The following LRRC28 variants were observed in gnomAD, a reference collection of about 807,000 sequenced individuals.
The protein encoded by LRRC28 is leucine-rich repeat-containing protein 28.
LRRC28 carries 39 observed loss-of-function variants against 45.7 expected under a neutral mutation model. The observed-to-expected ratio is 0.85, with a 90% CI of 0.66 to 1.12. The LOEUF (loss-of-function observed/expected upper bound fraction) is 1.12. LRRC28 is among the 50% of genes most tolerant of loss of function. The pLI is 0.00. For missense variants in LRRC28, 435 were observed against 438.5 expected, an observed-to-expected ratio of 0.99 and a Z score of 0.07; for synonymous variants, 206 against 178.8, an observed-to-expected ratio of 1.15 and a Z score of -1.22.
chr15:99,253,936 G>A (rs1013283108), intron 1 of LRRC28, among the ~76,000 whole-genome samples: 3 of 152,238 alleles, frequency 2.0e-5, no homozygotes, highest in Non-Finnish European at 4.4e-5. Context: ...TGCTTCTCCG[G>A]CTTGAGCCAC....
intron 9 of LRRC28, among the ~76,000 whole-genome samples, chr15:99,383,760 G>T (rs1410186569): frequency 6.6e-6 from 1 of 152,126 alleles, no homozygotes; most frequent in African/African-American, 2.4e-5. Context: ...CCCTCCTGGA[G>T]ATTTTCAGGA....
chr15:99,254,750 A>AAGTTTG (rs1331747180), intron 1 of LRRC28, among the ~76,000 whole-genome samples: 1 of 152,208 alleles, frequency 6.6e-6, no homozygotes. Flanking sequence ...ACTGATGGTG[A>AAGTTTG]AGTTTGTTTT....
intron 5 of LRRC28, among the ~76,000 whole-genome samples, chr15:99,293,362 G>A (rs1012951875): frequency 1.3e-5 from 2 of 152,032 alleles, no homozygotes; most frequent in African/African-American, 4.8e-5. Context: ...GGGAGGCCAA[G>A]GTGGGTGGAT....
At chr15:99,350,519 G>A (rs903305948) in intron 6 of LRRC28, among the ~76,000 whole-genome samples, 1 of 152,190 alleles carries the variant, frequency 6.6e-6, no homozygotes, top group South Asian at 2.1e-4. Context: ...TGATCGTATT[G>A]TATTACAGTT....
At chr15:99,300,692 G>A (rs1324063345) in intron 5 of LRRC28, among the ~76,000 whole-genome samples, 3 of 152,128 alleles carry the variant, frequency 2.0e-5, no homozygotes, top group Admixed American at 6.5e-5. Context: ...TGGATGTGAT[G>A]GTGTGCACCT....
intron 5 of LRRC28, among the ~76,000 whole-genome samples, chr15:99,293,082 G>A (rs1241077264): frequency 6.6e-6 from 1 of 151,950 alleles, no homozygotes; most frequent in Non-Finnish European, 1.5e-5. Context: ...TCCTCCATTG[G>A]CTTTTCTCTA....
rs532943184 is a variant in LRRC28, at chr15:99,314,737, T to A, written c.386-19186T>A. 7.2e-5 allele frequency among the ~76,000 whole-genome samples: 11 copies of A among 152,172 alleles called. No homozygotes were observed. The East Asian group carries it at 2.1e-3, about 29-fold the overall frequency. On this transcript the variant is annotated intron_variant, in intron 5 of 9. Coordinates refer to ENST00000301981, the MANE Select transcript of LRRC28 (RefSeq NM_144598.5). Reference sequence around the variant, plus strand: ...CCCTTCACCTAACCTGGGTTTTAAGTTCCTCTATAAGATGTTTGAACATCA... The same window carrying A: ...CCCTTCACCTAACCTGGGTTTTAAGATCCTCTATAAGATGTTTGAACATCA...
intron 6 of LRRC28, among the ~76,000 whole-genome samples, chr15:99,338,648 T>G (rs1393242572): frequency 6.6e-6 from 1 of 152,224 alleles, no homozygotes; most frequent in Non-Finnish European, 1.5e-5. Context: ...CTTAATGAAT[T>G]CAATTTCTTG....
At chr15:99,322,333 T>A (rs1378879718) in intron 5 of LRRC28, among the ~76,000 whole-genome samples, 2 of 151,978 alleles carry the variant, frequency 1.3e-5, no homozygotes, top group South Asian at 4.2e-4. Context: ...GGGGTGAGAA[T>A]AGAAGCAAGA....
rs758571757 is a variant in LRRC28, at chr15:99,287,828, G to T, written c.262G>T (p.Val88Leu). 1.2e-6 allele frequency: 2 copies of T among 1,611,876 alleles called. No homozygotes were observed. The highest frequency in any genetic ancestry group is 1.1e-5 in the South Asian group (1 of 90,750). The change falls in exon 5 of 10, where the codon GTA becomes TTA. Residue 88 changes from valine (V) to leucine (L), a missense_variant. Val to Leu is a conservative substitution (Grantham distance 32). Transcript: ENST00000301981. ...VVVPEAIGSL[V>L]KLQCLDLSDN... ...TCTCTTTGAAGCCATTGGGTCTCTTGTAAAACTCCAATGTCTGGATCTTAG... is the reference window on the plus strand; with the variant it reads ...TCTCTTTGAAGCCATTGGGTCTCTTTTAAAACTCCAATGTCTGGATCTTAG...
At position 99,307,006 on chromosome 15, in the gene LRRC28, G is replaced by A. The variant is rs187182908; in HGVS notation, c.385+19055G>A. 2.5e-4 allele frequency among the ~76,000 whole-genome samples: 38 copies of A among 152,312 alleles called. No individual in the cohort carries two copies. In the Middle Eastern group the frequency reaches 0.01, roughly 41 times the overall value. On this transcript the variant is annotated intron_variant, in intron 5 of 9. Transcript: ENST00000301981. The stretch of plus-strand genomic sequence containing the variant: ...CTGCTTTTCTCCTTCAAGCCATTAC[G>A]TGTTTCTTCAGCGTCTGCCATTCAT...
intron 3 of LRRC28, chr15:99,284,497 T>C (rs1449021485): frequency 4.4e-6 from 2 of 452,956 alleles, no homozygotes; most frequent in Non-Finnish European, 8.8e-6. Flanking sequence ...CCATGTCTTC[T>C]TTGTAGCAGG....
intron 5 of LRRC28, among the ~76,000 whole-genome samples, chr15:99,296,679 C>T (rs971263468): frequency 6.6e-6 from 1 of 152,188 alleles, no homozygotes; most frequent in Non-Finnish European, 1.5e-5. Context: ...GGGGGACTTG[C>T]TGTTTCATCT....
At chr15:99,327,728 T>C (rs529080400) in intron 5 of LRRC28, among the ~76,000 whole-genome samples, 30 of 152,190 alleles carry the variant, frequency 2.0e-4, no homozygotes, top group African/African-American at 5.8e-4. Context: ...TTCATTGATA[T>C]CTACTCTAAT....
At chr15:99,305,185 A>G (rs886537686) in intron 5 of LRRC28, among the ~76,000 whole-genome samples, 2 of 152,246 alleles carry the variant, frequency 1.3e-5, no homozygotes, top group East Asian at 1.9e-4. Flanking sequence ...AGGCATGCCA[A>G]CAGCCAGGAT....
intron 5 of LRRC28, among the ~76,000 whole-genome samples, chr15:99,324,582 T>C (rs564475282): frequency 6.6e-6 from 1 of 152,202 alleles, no homozygotes; most frequent in Non-Finnish European, 1.5e-5. Context: ...GAACTATGAT[T>C]TAAAGGGGAC....
chr15:99,387,646 T>C lies in LRRC28; in HGVS notation c.*1544T>C, dbSNP rs1958066160. On this transcript the variant is annotated 3_prime_UTR_variant, in exon 10 of 10. Coordinates refer to ENST00000301981, the MANE Select transcript of LRRC28 (RefSeq NM_144598.5). ...CAAAGGATGGCATTTTAATGTTGCT[T>C]TGCTGCCAGATGTTCATCTGCTTGC... 6.6e-6 allele frequency: 1 copy of C among 152,260 alleles called. No individual in the cohort carries two copies. The highest frequency in any genetic ancestry group is 1.9e-4 in the East Asian group (1 of 5,208). 9.4% of individuals were successfully genotyped at this position (152,260 alleles called of 1,614,324 possible). A position where few individuals can be genotyped will look rare whatever the true frequency, so the allele number is the denominator to read the frequency against.
chr15:99,309,296 C>G (rs114784952), intron 5 of LRRC28, among the ~76,000 whole-genome samples: 230 of 152,338 alleles, frequency 1.5e-3, no homozygotes, highest in African/African-American at 5.3e-3. Flanking sequence ...CAGAGTGACC[C>G]TCAACTGTGA....
At chr15:99,331,716 C>A (rs1002345386) in intron 5 of LRRC28, among the ~76,000 whole-genome samples, 26 of 152,058 alleles carry the variant, frequency 1.7e-4, no homozygotes, top group Admixed American at 1.4e-3. Context: ...AATTTATTTT[C>A]TGCTCTTCTC....
Sources: gnomAD v4.1 joint callset for allele counts (sites outside exome capture counted in the v4.1 genomes callset) on GRCh38, gnomAD v4.1.1 for gene constraint, MANE v1.5 for transcripts, NCBI Gene and HGNC (gene_info 2026-07-23, HGNC 2026-07-21) for gene names.